The following RNF150 variants were observed in gnomAD, a reference collection of about 807,000 sequenced individuals.
The protein encoded by RNF150 is ring finger protein 150.
Under a neutral mutation model 39.3 loss-of-function variants are expected in RNF150, and 24 were observed. The ratio of observed to expected loss-of-function variants is 0.61; its 90% confidence interval spans 0.44 to 0.86. The LOEUF (loss-of-function observed/expected upper bound fraction) is 0.86, where lower values mean the gene tolerates loss of function less well. RNF150 is among the 40% of genes least tolerant of loss of function. RNF150 has a pLI of 0.00. For missense variants in RNF150, 502 were observed against 587.8 expected, an observed-to-expected ratio of 0.85 and a Z score of 1.51; for synonymous variants, 255 against 227.3, an observed-to-expected ratio of 1.12 and a Z score of -1.10.
chr4:140,929,811 A>G (rs1304625403), intron 4 of RNF150, among the ~76,000 whole-genome samples: 1 of 152,158 alleles, frequency 6.6e-6, no homozygotes. Flanking sequence ...GATTATCCTC[A>G]ACAATCTGGG....
At chr4:141,189,839 T>G (rs1214193296) in intron 1 of RNF150, among the ~76,000 whole-genome samples, 1 of 152,182 alleles carries the variant, frequency 6.6e-6, no homozygotes, top group Non-Finnish European at 1.5e-5. Flanking sequence ...CTGGGGTCCG[T>G]GGGAGTGGGA....
intron 1 of RNF150, among the ~76,000 whole-genome samples, chr4:141,144,129 AC>A (rs33992069): frequency 0.31 from 47,587 of 152,024 alleles, 8,283 homozygotes; most frequent in East Asian, 0.8. Context: ...GGGAAAAAAA[AC>A]CCACAAAACT....
intron 1 of RNF150, among the ~76,000 whole-genome samples, chr4:141,013,126 T>C (rs1735136891): frequency 6.6e-6 from 1 of 152,208 alleles, no homozygotes; most frequent in South Asian, 2.1e-4. Context: ...AAAAAGTTGT[T>C]AAATGTGATT....
chr4:140,870,625 G>T (rs1440938666), intron 6 of RNF150, among the ~76,000 whole-genome samples: 2 of 152,100 alleles, frequency 1.3e-5, no homozygotes, highest in Admixed American at 6.5e-5. Context: ...GGGTCGTGGC[G>T]TGCTGTTGTG....
rs1049237635 is a variant in RNF150, at chr4:140,909,285, G to A, written c.1198+1859C>T. On this transcript the variant is annotated intron_variant, in intron 6 of 6. Transcript: ENST00000515673. ...ATTCTAGATCTATGCACTCCAATAT[G>A]GTGCCACTAGCCATATGTGATTACT... Among the ~76,000 whole-genome samples, 4 of 152,192 alleles carry A rather than the reference G, an allele frequency of 2.6e-5. No individual in the cohort carries two copies. The East Asian group carries it at 7.7e-4, about 29-fold the overall frequency.
chr4:141,212,446 C>T lies in RNF150; in HGVS notation c.-6+348G>A, dbSNP rs567215650. On this transcript the variant is annotated intron_variant, in intron 1 of 7. Transcript: ENST00000420921. Reference sequence around the variant, plus strand: ...TGCAGAATACAGCAGTGAAGACCTTCAAATCAAACAAACTAAACATATGCT... The same window carrying T: ...TGCAGAATACAGCAGTGAAGACCTTTAAATCAAACAAACTAAACATATGCT... Among the ~76,000 whole-genome samples the T allele has an allele frequency of 3.3e-5, 5 of 152,250 alleles. No homozygotes were observed. The East Asian group carries it at 9.7e-4, about 29-fold the overall frequency.
In RNF150 at chr4:141,196,570, C is replaced by T. The variant is rs548170614; in HGVS notation, c.-6+16224G>A. ...ATTATGCTTCCACTACATTGTTTCT[C>T]AAGTCAGGAAGGCTTTTGGTATAAA... On this transcript the variant is annotated intron_variant, in intron 1 of 7. Coordinates refer to the RNF150 transcript ENST00000420921. 8.1e-4 allele frequency among the ~76,000 whole-genome samples: 123 copies of T among 152,278 alleles called. 1 individual carries two copies. The highest frequency in any genetic ancestry group is 2.8e-3 in the African/African-American group (117 of 41,562).
At chr4:141,024,640 A>G (rs1578643211) in intron 1 of RNF150, among the ~76,000 whole-genome samples, 1 of 152,334 alleles carries the variant, frequency 6.6e-6, no homozygotes, top group African/African-American at 2.4e-5. Context: ...AAGAGAGTTT[A>G]TTCAAGTGAA....
intron 1 of RNF150, among the ~76,000 whole-genome samples, chr4:141,204,618 G>T (rs1408587385): frequency 6.6e-6 from 1 of 152,134 alleles, no homozygotes; most frequent in Non-Finnish European, 1.5e-5. Flanking sequence ...ACAAACTGAG[G>T]TTATTGTCAG....
chr4:141,043,394 G>A (rs918408206), intron 1 of RNF150, among the ~76,000 whole-genome samples: 32 of 152,240 alleles, frequency 2.1e-4, no homozygotes, highest in African/African-American at 7.2e-4. Context: ...TATAGGAATG[G>A]TCACTGTTTC....
intron 4 of RNF150, among the ~76,000 whole-genome samples, chr4:140,940,587 T>C (rs1732042657): frequency 6.6e-6 from 1 of 152,200 alleles, no homozygotes; most frequent in South Asian, 2.1e-4. Context: ...GTCAAGACCC[T>C]TCTGATCAAA....
intron 4 of RNF150, among the ~76,000 whole-genome samples, chr4:140,932,648 TCA>T (rs1731696564): frequency 6.6e-6 from 1 of 152,182 alleles, no homozygotes; most frequent in Admixed American, 6.5e-5. Context: ...CTTAGTTTCT[TCA>T]CTGATAAAAT....
intron 2 of RNF150, among the ~76,000 whole-genome samples, chr4:140,956,375 G>A (rs887804312): frequency 6.6e-6 from 1 of 152,150 alleles, no homozygotes; most frequent in African/African-American, 2.4e-5. Flanking sequence ...CCTTCTGGTG[G>A]GGACAGGAGA....
At chr4:141,052,367 C>T (rs1736807916) in intron 1 of RNF150, among the ~76,000 whole-genome samples, 1 of 151,944 alleles carries the variant, frequency 6.6e-6, no homozygotes, top group South Asian at 2.1e-4. Flanking sequence ...GCAACAAAAC[C>T]TTTTATTTTT....
intron 5 of RNF150, 69 bp from the exon 6 acceptor site, chr4:140,911,423 A>G (rs1316612460): frequency 1.1e-5 from 15 of 1,314,326 alleles, no homozygotes; most frequent in Non-Finnish European, 1.5e-5. Context: ...TCTATAGCCT[A>G]AACATTCTGT....
chr4:141,137,196 T>A (rs1727040930), upstream of RNF150, among the ~76,000 whole-genome samples: 1 of 152,212 alleles, frequency 6.6e-6, no homozygotes, highest in Non-Finnish European at 1.5e-5. Context: ...GTCAAAGGTG[T>A]GAACATTTTG....
At chr4:140,998,085 C>A (rs1197836831) in intron 1 of RNF150, among the ~76,000 whole-genome samples, 2 of 152,150 alleles carry the variant, frequency 1.3e-5, no homozygotes, top group Non-Finnish European at 2.9e-5. Context: ...ATAACGTTCT[C>A]TGAATATCCT....
intron 2 of RNF150, among the ~76,000 whole-genome samples, chr4:140,952,035 G>T (rs1442162171): frequency 6.6e-6 from 1 of 151,998 alleles, no homozygotes; most frequent in Non-Finnish European, 1.5e-5. Flanking sequence ...TTGAGATGGA[G>T]TCTCGTACTG....
chr4:141,143,448 A>G (rs1193099192), intron 1 of RNF150, among the ~76,000 whole-genome samples: 2 of 151,952 alleles, frequency 1.3e-5, no homozygotes, highest in African/African-American at 2.4e-5. Flanking sequence ...TGTTAATCCA[A>G]TCTTCATAAT....
Sources: gnomAD v4.1 joint callset for allele counts (sites outside exome capture counted in the v4.1 genomes callset) on GRCh38, gnomAD v4.1.1 for gene constraint, MANE v1.5 for transcripts, NCBI Gene and HGNC (gene_info 2026-07-23, HGNC 2026-07-21) for gene names.